Variants in AVEN observed in about 807,000 individuals in gnomAD.
AVEN encodes apoptosis and caspase activation inhibitor, also known as cell death regulator Aven.
A neutral mutation model predicts 38.1 loss-of-function variants in AVEN; 41 were observed. The ratio of observed to expected loss-of-function variants is 1.08; its 90% CI spans 0.84 to 1.40. The LOEUF (loss-of-function observed/expected upper bound fraction) is 1.40. Among genes scored for constraint, AVEN ranks in the 40% most tolerant of loss-of-function variants. The pLI, the probability that AVEN is intolerant of heterozygous loss-of-function variation, is 0.00. For missense variants in AVEN, 605 were observed against 438.8 expected (o/e 1.38, Z -3.38); for synonymous variants, 206 against 171.8 (o/e 1.20, Z -1.56).
At chr15:33,853,193 GA>G in the AVEN span, 1 of 1,054,548 alleles carries the variant, frequency 9.5e-7, no homozygotes. Flanking sequence ...CTACTTTTAT[GA>G]TAATATCTCA....
chr15:33,926,040 C>T (rs1481932373), intron 2 of AVEN, among the ~76,000 whole-genome samples: 1 of 152,254 alleles, frequency 6.6e-6, no homozygotes, highest in South Asian at 2.1e-4. Flanking sequence ...TTTGTGCTAA[C>T]GGTTTCAACA....
intron 2 of AVEN, among the ~76,000 whole-genome samples, chr15:33,877,490 GCTCT>G (rs1211576044): frequency 6.6e-6 from 1 of 152,170 alleles, no homozygotes. Flanking sequence ...AAAATAAATG[GCTCT>G]CTAATACACA....
chr15:33,861,433 C>T (rs1567358518), downstream of AVEN, among the ~76,000 whole-genome samples: 1 of 151,910 alleles, frequency 6.6e-6, no homozygotes, highest in Non-Finnish European at 1.5e-5. Context: ...ATACCTCCAG[C>T]AATTTCTCTT....
intron 2 of AVEN, among the ~76,000 whole-genome samples, chr15:33,884,333 G>T (rs1891611533): frequency 6.6e-6 from 1 of 152,082 alleles, no homozygotes; most frequent in Non-Finnish European, 1.5e-5. Flanking sequence ...TCCAAACTAA[G>T]AAATAAAGAA....
At chr15:33,917,525 GTATA>G (rs34540122) in intron 2 of AVEN, among the ~76,000 whole-genome samples, 10,638 of 145,810 alleles carry the variant, frequency 0.073, 433 homozygotes, top group African/African-American at 0.1. Context: ...ACACATACGT[GTATA>G]TATATATATA....
intron 2 of AVEN, among the ~76,000 whole-genome samples, chr15:33,923,329 T>C (rs541548358): frequency 6.6e-6 from 1 of 152,340 alleles, no homozygotes; most frequent in East Asian, 1.9e-4. Flanking sequence ...AATAATCATA[T>C]GTAACCTTAC....
At chr15:33,864,519 G>A (rs113998313), downstream of AVEN, among the ~76,000 whole-genome samples, 1 of 152,316 alleles carries the variant, frequency 6.6e-6, no homozygotes, top group African/African-American at 2.4e-5. Flanking sequence ...AAAAATCAGA[G>A]TACAACGGAG....
intron 2 of AVEN, among the ~76,000 whole-genome samples, chr15:33,968,345 C>G (rs557273570): frequency 7.0e-4 from 107 of 152,204 alleles, no homozygotes; most frequent in African/African-American, 2.5e-3. Flanking sequence ...CAGAGAACAC[C>G]TATCAAAACG....
chr15:33,959,798 A>T (rs1329065746), intron 2 of AVEN, among the ~76,000 whole-genome samples: 4 of 152,224 alleles, frequency 2.6e-5, no homozygotes, highest in Non-Finnish European at 5.9e-5. Context: ...CATATAAACC[A>T]ATTTCTACAA....
At chr15:33,927,909 C>T (rs1430235847) in intron 2 of AVEN, among the ~76,000 whole-genome samples, 9 of 152,132 alleles carry the variant, frequency 5.9e-5, no homozygotes, top group African/African-American at 2.2e-4. Flanking sequence ...ATAGGAATAG[C>T]TTTCTGGAAT....
intron 11 of AVEN, chr15:33,860,496 C>T (rs1354540670): frequency 5.4e-6 from 3 of 554,244 alleles, no homozygotes; most frequent in South Asian, 3.6e-5. Context: ...TGATAATTCA[C>T]TTTTTTTTTT....
intron 3 of AVEN, among the ~76,000 whole-genome samples, chr15:33,872,118 G>A (rs971322500): frequency 6.6e-6 from 1 of 152,156 alleles, no homozygotes; most frequent in African/African-American, 2.4e-5. Context: ...AGGATGCTAT[G>A]GGGGTGGGGT....
At chr15:33,931,612 T>C (rs1231615685) in intron 2 of AVEN, among the ~76,000 whole-genome samples, 6 of 152,100 alleles carry the variant, frequency 3.9e-5, no homozygotes, top group Non-Finnish European at 7.4e-5. Context: ...CCTCGTGATC[T>C]GCCCGCCTCG....
intron 5 of AVEN, among the ~76,000 whole-genome samples, chr15:34,053,325 T>A (rs868464786): frequency 0.012 from 1,457 of 122,206 alleles, 47 homozygotes; most frequent in African/African-American, 0.042. Context: ...AAAAAATATA[T>A]ATATATATAT....
intron 2 of AVEN, among the ~76,000 whole-genome samples, chr15:33,963,826 A>T (rs1297309610): frequency 1.3e-5 from 2 of 151,514 alleles, no homozygotes; most frequent in Non-Finnish European, 1.5e-5. Context: ...AAACGAACAA[A>T]CAAAAAAACC....
chr15:33,908,777 T>C (rs1401670120), intron 2 of AVEN, among the ~76,000 whole-genome samples: 1 of 152,158 alleles, frequency 6.6e-6, no homozygotes, highest in Non-Finnish European at 1.5e-5. Context: ...TGTGTATAAA[T>C]CAATATTTTA....
intron 1 of AVEN, among the ~76,000 whole-genome samples, chr15:34,035,968 AT>A (rs1032072649): frequency 5.8e-4 from 88 of 151,590 alleles, no homozygotes; most frequent in African/African-American, 2.0e-3. Flanking sequence ...GCAGTTTTGT[AT>A]TTTTTTTATA....
At chr15:33,873,508 T>C (rs1891088407) in intron 3 of AVEN, among the ~76,000 whole-genome samples, 1 of 148,098 alleles carries the variant, frequency 6.8e-6, no homozygotes, top group Admixed American at 6.8e-5. Context: ...ATAATATATA[T>C]ATACACTCAA....
chr15:34,005,273 T>C (rs1211764771), intron 1 of AVEN, among the ~76,000 whole-genome samples: 1 of 152,192 alleles, frequency 6.6e-6, no homozygotes, highest in African/African-American at 2.4e-5. Flanking sequence ...CCTATACAGC[T>C]GGTTTTTCCA....
Sources: allele counts gnomAD v4.1 joint callset (sites outside exome capture counted in the v4.1 genomes callset), GRCh38; gene constraint gnomAD v4.1.1; transcripts MANE v1.5; gene names NCBI Gene and HGNC (gene_info 2026-07-23, HGNC 2026-07-21).